Variants in NRP1 observed in about 807,000 individuals in gnomAD.
NRP1 encodes the protein neuropilin-1.
A neutral mutation model predicts 106.7 loss-of-function variants in NRP1; 35 were observed. The observed-to-expected ratio is 0.33, with a 90% CI of 0.25 to 0.43. The LOEUF (loss-of-function observed/expected upper bound fraction) is 0.43, where lower values mean the gene tolerates loss of function less well. Ranked by LOEUF, NRP1 falls within the 20% of genes least tolerant of loss-of-function variation. The probability of loss-of-function intolerance (pLI) is 1.00; values close to 1 mark genes in which losing one functional copy is unlikely to be tolerated. For missense variants in NRP1, 1,024 were observed against 1,170.4 expected, an observed-to-expected ratio of 0.87 and a Z score of 1.83; for synonymous variants, 437 against 417.9, an observed-to-expected ratio of 1.05 and a Z score of -0.56.
chr10:33,203,264 C>T (rs140507813), intron 10 of NRP1, among the ~76,000 whole-genome samples: 25 of 152,310 alleles, frequency 1.6e-4, no homozygotes, highest in African/African-American at 5.5e-4. Flanking sequence ...ACATAAACAT[C>T]CTTCTTCTGA....
rs189385480 is a variant in NRP1 at position 33,310,185 on chromosome 10, A to G, written c.248+20523T>C. Among the ~76,000 whole-genome samples, 426 of 146,972 alleles carry G rather than the reference A, an allele frequency of 2.9e-3. 3 individuals are homozygous for G. Among genetic ancestry groups the G allele is most frequent in the African/African-American group, 0.01 (415 of 39,662 alleles). ...AGGATGGTCTTGATCTCCTGACCTC[A>G]TGATCTGCCCGCCTCGGCCTCCGAA... On this transcript the variant is annotated intron_variant, in intron 2 of 16. Transcript: ENST00000374867.
At chr10:33,245,224 C>A (rs965339700) in intron 6 of NRP1, among the ~76,000 whole-genome samples, 3 of 152,156 alleles carry the variant, frequency 2.0e-5, no homozygotes, top group Non-Finnish European at 4.4e-5. Context: ...ATTTTAGGAT[C>A]TTTTACGCCA....
At position 33,247,684 on chromosome 10, in the gene NRP1, G is replaced by A. The variant is rs963060279; in HGVS notation, c.981+6344C>T. On this transcript the variant is annotated intron_variant, in intron 6 of 16. Coordinates refer to ENST00000374867, the MANE Select transcript of NRP1 (RefSeq NM_003873.7). ...ATGCAGTGAAAAACATAATCAGAGTGGCCAGAGAGCTTTGCAAGCCTCACC... is the reference window on the plus strand; with the variant it reads ...ATGCAGTGAAAAACATAATCAGAGTAGCCAGAGAGCTTTGCAAGCCTCACC... Among the ~76,000 whole-genome samples, 60 of 152,162 alleles carry A rather than the reference G, an allele frequency of 3.9e-4. 1 individual carries two copies. The highest frequency in any genetic ancestry group is 1.0e-4 in the Non-Finnish European group (7 of 68,026).
At chr10:33,209,918 C>T (rs1238841616) in intron 9 of NRP1, among the ~76,000 whole-genome samples, 1 of 152,206 alleles carries the variant, frequency 6.6e-6, no homozygotes, top group Non-Finnish European at 1.5e-5. Context: ...AGTGGCTGGC[C>T]GGCCCCAGGC....
chr10:33,202,452 C>A (rs1837392871), intron 11 of NRP1: 1 of 644,816 alleles, frequency 1.6e-6, no homozygotes, highest in Non-Finnish European at 2.4e-6. Flanking sequence ...CAAATATAAG[C>A]CTAACTTTAT....
At chr10:33,274,607 A>C (rs1022330747) in intron 2 of NRP1, among the ~76,000 whole-genome samples, 1 of 152,150 alleles carries the variant, frequency 6.6e-6, no homozygotes, top group East Asian at 1.9e-4. Context: ...TGGTGAGTAC[A>C]AGTGACCCCT....
chr10:33,199,387 ATAT>A (rs1564372843), intron 11 of NRP1, among the ~76,000 whole-genome samples: 1 of 55,786 alleles, frequency 1.8e-5, no homozygotes, highest in Admixed American at 2.3e-4. Flanking sequence ...ATATATATAT[ATAT>A]TTTTTTTTTT....
intron 2 of NRP1, among the ~76,000 whole-genome samples, chr10:33,300,850 T>C (rs1443291960): frequency 6.6e-6 from 1 of 152,220 alleles, no homozygotes; most frequent in Non-Finnish European, 1.5e-5. Flanking sequence ...CTTACATATG[T>C]TGATTGATGT....
intron 2 of NRP1, among the ~76,000 whole-genome samples, chr10:33,271,513 A>G (rs1299464178): frequency 6.6e-6 from 1 of 152,224 alleles, no homozygotes; most frequent in Non-Finnish European, 1.5e-5. Context: ...TTAAAAATGG[A>G]AAATAACTTT....
chr10:33,306,319 C>T (rs868039117), intron 2 of NRP1, among the ~76,000 whole-genome samples: 3 of 151,050 alleles, frequency 2.0e-5, no homozygotes, highest in Middle Eastern at 3.2e-3. Flanking sequence ...GTAGTGTTTA[C>T]GAAGGCAGCT....
intron 13 of NRP1, among the ~76,000 whole-genome samples, 199 bp from the exon 14 acceptor site, chr10:33,186,687 A>G (rs1030215408): frequency 1.3e-5 from 2 of 152,132 alleles, no homozygotes; most frequent in African/African-American, 4.8e-5. Context: ...CAAAATGGAC[A>G]TTTGATTAGG....
At chr10:33,253,186 GTGAAAAACT>G (rs1214838050) in intron 6 of NRP1, among the ~76,000 whole-genome samples, 1 of 152,136 alleles carries the variant, frequency 6.6e-6, no homozygotes. Flanking sequence ...TTAACAGTGA[GTGAAAAACT>G]CAGGACTGTC....
rs140769772 is a variant in NRP1, at chr10:33,192,300, T to A, written c.2043A>T (p.Gly681=). 3 of 1,613,548 alleles carry A rather than the reference T, an allele frequency of 1.9e-6. No individual in the cohort carries two copies. Among genetic ancestry groups the A allele is most frequent in the African/African-American group, 2.7e-5 (2 of 74,834 alleles). ...LKWSVLTSKT[G]PIQDHTGDGN... is the part of the protein sequence containing the mutation. Reference sequence around the variant, plus strand: ...TGATACCTGTGTGATCCTGAATGGGTCCCGTCTTGCTGGTCAACACACTCC... The same window carrying A: ...TGATACCTGTGTGATCCTGAATGGGACCCGTCTTGCTGGTCAACACACTCC... Residue 681 remains glycine, a synonymous_variant, in exon 13 of 17, where the codon GGA becomes GGT. Coordinates refer to ENST00000374867, the MANE Select transcript of NRP1 (RefSeq NM_003873.7).
At chr10:33,205,430 T>C (rs958538893) in intron 10 of NRP1, 3 of 152,242 alleles carry the variant, frequency 2.0e-5, no homozygotes, top group African/African-American at 7.2e-5. Flanking sequence ...CAAGGCCGAT[T>C]TATCAAGACA....
intron 2 of NRP1, among the ~76,000 whole-genome samples, chr10:33,326,919 T>G (rs1847930068): frequency 6.6e-6 from 1 of 152,190 alleles, no homozygotes; most frequent in Non-Finnish European, 1.5e-5. Context: ...TGAAATGATG[T>G]TTTTTACCTA....
chr10:33,271,332 T>A (rs576883093), intron 2 of NRP1, among the ~76,000 whole-genome samples: 1 of 152,312 alleles, frequency 6.6e-6, no homozygotes, highest in Non-Finnish European at 1.5e-5. Flanking sequence ...TCTAAACATA[T>A]GGCCACAGAA....
At chr10:33,334,205 G>A in intron 1 of NRP1, 105 bp downstream of exon 1, 1 of 1,012,172 alleles carries the variant, frequency 9.9e-7, no homozygotes, top group Non-Finnish European at 1.4e-6. Context: ...CCCGGGAGTC[G>A]GTTGTTCCCG....
At chr10:33,302,731 A>G (rs763442207) in intron 2 of NRP1, among the ~76,000 whole-genome samples, 1 of 152,184 alleles carries the variant, frequency 6.6e-6, no homozygotes, top group African/African-American at 2.4e-5. Context: ...AGCGAAGCAA[A>G]CATCAGTTCA....
At chr10:33,253,606 A>G (rs1302301356) in intron 6 of NRP1, among the ~76,000 whole-genome samples, 2 of 152,170 alleles carry the variant, frequency 1.3e-5, no homozygotes, top group African/African-American at 2.4e-5. Context: ...ATTATTTCAT[A>G]CACGTCTATA....
Sources: gnomAD v4.1 joint callset for allele counts (sites outside exome capture counted in the v4.1 genomes callset) on GRCh38, gnomAD v4.1.1 for gene constraint, MANE v1.5 for transcripts, NCBI Gene and HGNC (gene_info 2026-07-23, HGNC 2026-07-21) for gene names.